The following C14orf180 variants were observed in gnomAD, a reference collection of about 807,000 sequenced individuals.
The protein encoded by C14orf180 is chromosome 14 open reading frame 180.
In C14orf180, 13 loss-of-function variants were observed where a neutral mutation model predicts 13.9. That is an observed-to-expected ratio of 0.94 (90% CI 0.61 to 1.49). The LOEUF (loss-of-function observed/expected upper bound fraction) is 1.49. Ranked by LOEUF, C14orf180 falls within the 40% of genes most tolerant of loss-of-function variation. C14orf180 has a pLI of 0.00. For synonymous variants in C14orf180, 113 were observed against 106.3 expected (o/e 1.06, Z -0.39); for missense variants, 238 against 232.0 (o/e 1.03, Z -0.17).
chr14:104,581,899 G>A (rs1441671369), intron 1 of C14orf180, among the ~76,000 whole-genome samples: 2 of 152,186 alleles, frequency 1.3e-5, no homozygotes, highest in African/African-American at 2.4e-5. Flanking sequence ...GTGTGAATGG[G>A]TGCAGTGCCA....
chr14:104,585,817 G>A (rs1460531536), intron 1 of C14orf180, among the ~76,000 whole-genome samples: 7 of 152,106 alleles, frequency 4.6e-5, no homozygotes, highest in African/African-American at 1.7e-4. Context: ...AATCGGCGGG[G>A]GCGCGGTGCA....
intron 1 of C14orf180, among the ~76,000 whole-genome samples, chr14:104,582,725 G>GTTCC (rs1886480154): frequency 6.6e-6 from 1 of 152,242 alleles, no homozygotes; most frequent in African/African-American, 2.4e-5. Flanking sequence ...GCGCCATGGG[G>GTTCC]TTCCTGTTCC....
rs1886726631 is a variant in C14orf180 at position 104,588,644 on chromosome 14, T to C, written c.344T>C (p.Val115Ala). 2 of 1,523,790 alleles carry C rather than the reference T, an allele frequency of 1.3e-6. No homozygotes were observed. The highest frequency in any genetic ancestry group is 2.4e-5 in the South Asian group (2 of 83,136). The allele number at this position is 1,523,790 out of a possible 1,614,324, so 94.4% of individuals were successfully genotyped here. A position where few individuals can be genotyped will look rare whatever the true frequency, so the allele number is the denominator to read the frequency against. The part of the protein sequence containing the change: ...LLQLCVCVLL[V>A]LALGLYCGRA... The stretch of plus-strand genomic sequence containing the variant: ...CAGCTGTGTGTGTGCGTCCTGCTCG[T>C]GCTGGCCCTGGGCCTATACTGCGGC... The change falls in exon 5 of 5, where the codon GTG (valine) becomes GCG (alanine). Residue 115 changes from valine to alanine, a missense_variant. Val to Ala is a moderately conservative substitution (Grantham distance 64, BLOSUM62 0). Coordinates refer to ENST00000557649, the MANE Select transcript of C14orf180 (RefSeq NM_001008404.3).
intron 2 of C14orf180, among the ~76,000 whole-genome samples, 197 bp from the exon 3 acceptor site, chr14:104,587,552 G>A (rs1359108016): frequency 6.6e-6 from 1 of 152,178 alleles, no homozygotes; most frequent in Non-Finnish European, 1.5e-5. Flanking sequence ...GGCCCCTGAG[G>A]CTGAGTCTGG....
chr14:104,580,766 C>A (rs1459344792), intron 1 of C14orf180, among the ~76,000 whole-genome samples: 1 of 152,250 alleles, frequency 6.6e-6, no homozygotes, highest in Non-Finnish European at 1.5e-5. Context: ...CACTACTGAG[C>A]TTTGCAGTGC....
At chr14:104,580,371 G>A (rs530184333) in intron 1 of C14orf180, among the ~76,000 whole-genome samples, 1 of 152,344 alleles carries the variant, frequency 6.6e-6, no homozygotes, top group East Asian at 1.9e-4. Context: ...GGGGAAGCAG[G>A]GAACACGGCC....
In C14orf180 at chr14:104,588,309, G is replaced by A. The variant is rs1886707348; in HGVS notation, c.277G>A (p.Val93Met). 4.3e-6 allele frequency: 7 copies of A among 1,613,960 alleles called. No homozygotes were observed. Among genetic ancestry groups the A allele is most frequent in the Non-Finnish European group, 5.9e-6 (7 of 1,180,004 alleles). ...ADKNATATVR[V>M]PGRPRPHGGS... The stretch of plus-strand genomic sequence containing the variant: ...CAAGAACGCCACAGCCACTGTCAGG[G>A]GTGAGTTCTGAGCCCACATCCCTGT... Residue 93 changes from valine to methionine, a missense_variant and splice_region_variant, in exon 4 of 5, where the codon GTG (valine) becomes ATG (methionine). Val to Met is a conservative substitution (Grantham distance 21). Coordinates refer to ENST00000557649, the MANE Select transcript of C14orf180 (RefSeq NM_001008404.3).
Position 104,588,303 on chromosome 14 carries a change from G to A in C14orf180, c.271G>A (p.Val91Ile). The change falls in exon 4 of 5, where the codon GTC (valine) becomes ATC (isoleucine). Residue 91 changes from valine to isoleucine, a missense_variant. Physicochemically the swap from Val to Ile is conservative, Grantham distance 29. Transcript: ENST00000557649. Reference protein sequence around the residue: ...YIADKNATATVRVPGRPRPHG... With the variant: ...YIADKNATATIRVPGRPRPHG... ...TGCTGACAAGAACGCCACAGCCACTGTCAGGGGTGAGTTCTGAGCCCACAT... is the reference window on the plus strand; with the variant it reads ...TGCTGACAAGAACGCCACAGCCACTATCAGGGGTGAGTTCTGAGCCCACAT... 1 of 1,614,018 alleles carries A rather than the reference G, an allele frequency of 6.2e-7. No homozygotes were observed. Among genetic ancestry groups the A allele is most frequent in the South Asian group, 1.1e-5 (1 of 91,090 alleles).
intron 1 of C14orf180, chr14:104,581,056 C>G (rs552146883): frequency 6.6e-6 from 1 of 152,266 alleles, no homozygotes; most frequent in Non-Finnish European, 1.5e-5. Context: ...GCCCAGTGGG[C>G]GGTCAGCCCA....
At chr14:104,580,812 T>C (rs1886408031) in intron 1 of C14orf180, among the ~76,000 whole-genome samples, 1 of 152,196 alleles carries the variant, frequency 6.6e-6, no homozygotes, top group Non-Finnish European at 1.5e-5. Context: ...ATTCCACATA[T>C]GGGAGGAAGG....
At chr14:104,582,061 G>A (rs1480972797) in intron 1 of C14orf180, among the ~76,000 whole-genome samples, 3 of 152,096 alleles carry the variant, frequency 2.0e-5, no homozygotes, top group South Asian at 2.1e-4. Flanking sequence ...GATTTCTCAC[G>A]AGCCAGCTGC....
chr14:104,588,491 A>C, intron 4 of C14orf180, 87 bp from the exon 5 acceptor site: 1 of 1,434,360 alleles, frequency 7.0e-7, no homozygotes, highest in Non-Finnish European at 9.3e-7. Flanking sequence ...ACAGGGTGGA[A>C]TCTCCCCATC....
rs553984960 is a variant in C14orf180, at chr14:104,587,712, C to G, written c.112-37C>G. On this transcript the variant is annotated intron_variant, in intron 2 of 4. Transcript: ENST00000557649. ...GACCTGGGTACCAGCGGCCTCCCGC[C>G]GGGGACTCACCAGTCTGCTTCCCGC... is the stretch of plus-strand genomic sequence containing the variant. 9.3e-6 allele frequency: 15 copies of G among 1,607,208 alleles called. 1 individual carries two copies. In the South Asian group the frequency reaches 1.4e-4, roughly 15 times the overall value.
Position 104,588,207 on chromosome 14 carries a change from G to A in C14orf180, c.242-67G>A, listed in dbSNP as rs557967233. On this transcript the variant is annotated intron_variant, in intron 3 of 4. Transcript: ENST00000557649. ...GTCCTTCGGGGGTGCAGGGTGAGACGAGAGGGCGGGGGCGCCCGATGGACT... is the reference window on the plus strand; with the variant it reads ...GTCCTTCGGGGGTGCAGGGTGAGACAAGAGGGCGGGGGCGCCCGATGGACT... The A allele has an allele frequency of 2.8e-5, 45 of 1,597,314 alleles. No homozygotes were observed. In the Admixed American group the frequency reaches 3.2e-4, roughly 11 times the overall value.
chr14:104,588,474 G>A lies in C14orf180; in HGVS notation c.278-104G>A, dbSNP rs565966135. On this transcript the variant is annotated intron_variant, in intron 4 of 4. Transcript: ENST00000557649. ...CCCAAGAGGCTAGGGAGGGGCCATG[G>A]GCATGGACAGGGTGGAATCTCCCCA... is the stretch of plus-strand genomic sequence containing the variant. The A allele has an allele frequency of 1.8e-4, 261 of 1,443,112 alleles. No homozygotes were observed. In the African/African-American group the frequency reaches 2.7e-3, roughly 15 times the overall value. The allele number at this position is 1,443,112 out of a possible 1,614,324, so 89.4% of individuals were successfully genotyped here.
Position 104,589,007 on chromosome 14 carries a change from C to T in C14orf180, c.*224C>T. 1 of 903,726 alleles carries T rather than the reference C, an allele frequency of 1.1e-6. No individual in the cohort carries two copies. The highest frequency in any genetic ancestry group is 1.6e-6 in the Non-Finnish European group (1 of 625,572). The allele number at this position is 903,726 out of a possible 1,614,324, so 56.0% of individuals were successfully genotyped here. A position where few individuals can be genotyped will look rare whatever the true frequency, so the allele number is the denominator to read the frequency against. On this transcript the variant is annotated 3_prime_UTR_variant, in exon 5 of 5. Coordinates refer to ENST00000557649, the MANE Select transcript of C14orf180 (RefSeq NM_001008404.3). The surrounding 1 kb of genome is among the most constrained non-coding windows in gnomAD (Gnocchi z 4.9). Reference sequence around the variant, plus strand: ...ACTAGTCAGCACAGCCCTCCTGTCTCCTGTGTTGGGTCCATGTGAGATTTT... The same window carrying T: ...ACTAGTCAGCACAGCCCTCCTGTCTTCTGTGTTGGGTCCATGTGAGATTTT...
intron 2 of C14orf180, among the ~76,000 whole-genome samples, 183 bp from the exon 3 acceptor site, chr14:104,587,566 C>T (rs953941553): frequency 2.7e-4 from 41 of 152,172 alleles, no homozygotes; most frequent in Admixed American, 6.5e-5. Context: ...AGTCTGGCTG[C>T]CCTGCAGTCC....
intron 2 of C14orf180, among the ~76,000 whole-genome samples, chr14:104,587,240 C>T (rs1485082444): frequency 6.6e-6 from 1 of 152,156 alleles, no homozygotes; most frequent in Non-Finnish European, 1.5e-5. Context: ...AGAAAGGGCC[C>T]AGGTAGGCAA....
intron 2 of C14orf180, 106 bp from the exon 3 acceptor site, chr14:104,587,643 G>T: frequency 8.5e-7 from 1 of 1,178,258 alleles, no homozygotes; most frequent in African/African-American, 1.6e-5. Context: ...AGCCAGGACA[G>T]GGTACAGGTT....
Sources: allele counts gnomAD v4.1 joint callset (sites outside exome capture counted in the v4.1 genomes callset), GRCh38; gene constraint gnomAD v4.1.1; non-coding constraint Gnocchi (gnomAD v3.1); transcripts MANE v1.5; gene names NCBI Gene and HGNC (gene_info 2026-07-23, HGNC 2026-07-21).